Variants in PRIM2 observed in about 807,000 individuals in gnomAD.
The protein encoded by PRIM2 is DNA primase subunit 2.
A neutral mutation model predicts 67.3 loss-of-function variants in PRIM2; 39 were observed. That is an observed-to-expected ratio of 0.58 (90% CI 0.45 to 0.76). The LOEUF (loss-of-function observed/expected upper bound fraction) is 0.76, where lower values mean the gene tolerates loss of function less well. PRIM2 is among the 30% of genes least tolerant of loss of function. PRIM2 has a pLI of 0.00. For synonymous variants in PRIM2, 143 were observed against 198.7 expected (o/e 0.72, Z 2.36); for missense variants, 398 against 598.7 (o/e 0.66, Z 3.50).
At chr6:57,234,174 T>G in the PRIM2 span, among the ~76,000 whole-genome samples, 17 of 152,268 alleles carry the variant, frequency 1.1e-4, no homozygotes, top group African/African-American at 3.9e-4. Flanking sequence ...TAAGGTCTCT[T>G]GGGTGTCTGG....
At chr6:57,551,355 G>A (rs1262816213) in intron 10 of PRIM2, among the ~76,000 whole-genome samples, 1 of 152,168 alleles carries the variant, frequency 6.6e-6, no homozygotes, top group African/African-American at 2.4e-5. Context: ...GTATTGATAA[G>A]AATGTCACCT....
chr6:57,405,957 C>G (rs1461428967), intron 7 of PRIM2, among the ~76,000 whole-genome samples: 1 of 152,236 alleles, frequency 6.6e-6, no homozygotes, highest in Non-Finnish European at 1.5e-5. Flanking sequence ...AAAATCAGTT[C>G]AGAGTAAGCA....
At chr6:57,501,412 G>GC (rs1300779632) in intron 7 of PRIM2, among the ~76,000 whole-genome samples, 1 of 151,976 alleles carries the variant, frequency 6.6e-6, no homozygotes, top group Non-Finnish European at 1.5e-5. Context: ...CGATTATCCT[G>GC]CCTCAGCCTC....
intron 7 of PRIM2, among the ~76,000 whole-genome samples, chr6:57,455,057 C>G (rs1772714202): frequency 6.6e-6 from 1 of 152,146 alleles, no homozygotes; most frequent in South Asian, 2.1e-4. Context: ...AGTAGTCATT[C>G]AGGAGCAGGT....
At chr6:57,611,873 A>G (rs1314371221) in intron 12 of PRIM2, among the ~76,000 whole-genome samples, 1 of 152,096 alleles carries the variant, frequency 6.6e-6, no homozygotes, top group Non-Finnish European at 1.5e-5. Context: ...GTGAATCCAA[A>G]AGATATAAAG....
intron 5 of PRIM2, among the ~76,000 whole-genome samples, chr6:57,349,944 C>A (rs3800014): frequency 0.12 from 18,003 of 151,964 alleles, 1,161 homozygotes; most frequent in African/African-American, 0.15. Flanking sequence ...CTTTCAGTAC[C>A]CTTAAGAACT....
chr6:57,453,390 T>G (rs1772630387), intron 7 of PRIM2, among the ~76,000 whole-genome samples: 1 of 152,226 alleles, frequency 6.6e-6, no homozygotes, highest in Admixed American at 6.5e-5. Flanking sequence ...ATGGCCATTT[T>G]CACAATATTG....
At chr6:57,379,709 A>G (rs1769887857) in intron 5 of PRIM2, among the ~76,000 whole-genome samples, 192 bp from the exon 6 acceptor site, 1 of 152,170 alleles carries the variant, frequency 6.6e-6, no homozygotes, top group Admixed American at 6.5e-5. Flanking sequence ...AGAATATTCA[A>G]TTTAGGTTTT....
At chr6:57,456,337 T>G (rs1772779474) in intron 7 of PRIM2, among the ~76,000 whole-genome samples, 1 of 152,228 alleles carries the variant, frequency 6.6e-6, no homozygotes, top group African/African-American at 2.4e-5. Context: ...TGGCCTTCCT[T>G]GCTAGATTGG....
the PRIM2 span, among the ~76,000 whole-genome samples, chr6:57,284,657 A>G: frequency 3.3e-5 from 5 of 152,346 alleles, no homozygotes; most frequent in East Asian, 9.6e-4. Flanking sequence ...GTAAATATCA[A>G]GACGTTCCAT....
At position 57,367,979 on chromosome 6, in the gene PRIM2, C is replaced by T. The variant is rs1244751444; in HGVS notation, c.460-11922C>T. ...AGACTTTGCAGCCATCTTTAATCCC[C>T]ATGTACTCCAGATTGATGATTACAT... is the stretch of plus-strand genomic sequence containing the variant. On this transcript the variant is annotated intron_variant, in intron 5 of 13. Coordinates refer to ENST00000615550, the MANE Select transcript of PRIM2 (RefSeq NM_000947.5). Among the ~76,000 whole-genome samples the T allele has an allele frequency of 3.3e-5, 5 of 152,180 alleles. No homozygotes were observed. In the East Asian group the frequency reaches 9.6e-4, roughly 29 times the overall value.
intron 7 of PRIM2, among the ~76,000 whole-genome samples, chr6:57,466,739 T>C (rs143852500): frequency 2.6e-5 from 4 of 152,266 alleles, no homozygotes; most frequent in African/African-American, 9.6e-5. Context: ...ATGGATAGAT[T>C]GCAAACATTT....
At chr6:57,622,838 T>C (rs1346197117) in intron 12 of PRIM2, among the ~76,000 whole-genome samples, 1 of 152,168 alleles carries the variant, frequency 6.6e-6, no homozygotes, top group Non-Finnish European at 1.5e-5. Context: ...AACTGGCAAA[T>C]GCCTTTTAAT....
intron 13 of PRIM2, among the ~76,000 whole-genome samples, chr6:57,637,891 TGCAGAGAAC>T (rs1301642236): frequency 6.6e-6 from 1 of 152,094 alleles, no homozygotes; most frequent in Non-Finnish European, 1.5e-5. Context: ...ATTCAGGAAA[TGCAGAGAAC>T]ACCACAAAGA....
At chr6:57,618,054 G>A (rs1278797211) in intron 12 of PRIM2, among the ~76,000 whole-genome samples, 1 of 152,154 alleles carries the variant, frequency 6.6e-6, no homozygotes, top group Admixed American at 6.5e-5. Context: ...AGATGTATGG[G>A]ATAATTTCTG....
At chr6:57,328,728 G>A (rs1484431561) in intron 5 of PRIM2, among the ~76,000 whole-genome samples, 1 of 152,100 alleles carries the variant, frequency 6.6e-6, no homozygotes, top group Non-Finnish European at 1.5e-5. Flanking sequence ...TTAAACTTTT[G>A]AGGAGCTATC....
At chr6:57,226,491 CG>C in the PRIM2 span, among the ~76,000 whole-genome samples, 5 of 152,048 alleles carry the variant, frequency 3.3e-5, no homozygotes, top group African/African-American at 4.8e-5. Context: ...AGGTGGAAAG[CG>C]GTATGTAAAA....
the PRIM2 span, among the ~76,000 whole-genome samples, chr6:57,300,194 T>G: frequency 6.6e-6 from 1 of 152,248 alleles, no homozygotes; most frequent in Non-Finnish European, 1.5e-5. Context: ...GGCCTGCAGA[T>G]GCATTGTCCA....
the PRIM2 span, among the ~76,000 whole-genome samples, chr6:57,262,227 C>T: frequency 3.9e-5 from 6 of 152,122 alleles, no homozygotes; most frequent in African/African-American, 1.2e-4. Context: ...CGTTTTCTTG[C>T]TGGTAAAGTG....
Sources: allele counts gnomAD v4.1 joint callset (sites outside exome capture counted in the v4.1 genomes callset), GRCh38; gene constraint gnomAD v4.1.1; transcripts MANE v1.5; gene names NCBI Gene and HGNC (gene_info 2026-07-23, HGNC 2026-07-21).